NAV3: variants seen among roughly 807,000 people sequenced by gnomAD.
The protein encoded by NAV3 is neuron navigator 3.
In NAV3, 87 loss-of-function variants were observed where a neutral mutation model predicts 244.7. The observed-to-expected ratio is 0.36, with a 90% CI of 0.30 to 0.42. The LOEUF is 0.42. Ranked by LOEUF, NAV3 falls within the 20% of genes least tolerant of loss-of-function variation. NAV3 has a pLI of 1.00. For synonymous variants in NAV3, 1,126 were observed against 1,042.2 expected (o/e 1.08, Z -1.55); for missense variants, 2,663 against 2,893.3 (o/e 0.92, Z 1.83).
rs553728116 is a variant in NAV3, at chr12:77,996,853, A to C, written c.741-1484A>C. On this transcript the variant is annotated intron_variant, in intron 6 of 39. Coordinates refer to ENST00000397909, the MANE Select transcript of NAV3 (RefSeq NM_001024383.2). ...ATTCTTGTTTTCCTTTCAAATAAAA[A>C]ATTTCAGAGTAGTACACAGTGACAT... is the stretch of plus-strand genomic sequence containing the variant. Among the ~76,000 whole-genome samples, 5 of 152,340 alleles carry C rather than the reference A, an allele frequency of 3.3e-5. No individual in the cohort carries two copies. In the South Asian group the frequency reaches 1.0e-3, roughly 32 times the overall value.
chr12:77,863,821 T>G (rs1448188162), intron 1 of NAV3, among the ~76,000 whole-genome samples: 1 of 151,912 alleles, frequency 6.6e-6, no homozygotes. Context: ...AATCTAGAGT[T>G]AAGACAAAAA....
intron 3 of NAV3, among the ~76,000 whole-genome samples, chr12:77,954,823 G>C (rs1891216056): frequency 6.6e-6 from 1 of 152,132 alleles, no homozygotes; most frequent in African/African-American, 2.4e-5. Flanking sequence ...TTTCAGATAT[G>C]AGTAAAAATT....
chr12:78,017,959 G>A (rs1876511511), intron 8 of NAV3, among the ~76,000 whole-genome samples: 1 of 152,120 alleles, frequency 6.6e-6, no homozygotes, highest in East Asian at 1.9e-4. Flanking sequence ...TAGAGAAACG[G>A]ATGGCTTGTA....
At chr12:77,797,591 C>T (rs1349126351) in intron 2 of NAV3, among the ~76,000 whole-genome samples, 1 of 147,720 alleles carries the variant, frequency 6.8e-6, no homozygotes, top group African/African-American at 2.5e-5. Context: ...GCCTGTAATC[C>T]CAGCACTTTG....
chr12:78,165,409 A>G (rs1957739032), intron 23 of NAV3, among the ~76,000 whole-genome samples: 1 of 151,560 alleles, frequency 6.6e-6, no homozygotes, highest in African/African-American at 2.4e-5. Context: ...GATGGCATAT[A>G]CATTTTTCAG....
rs116967958 is a variant in NAV3 at position 77,837,423 on chromosome 12, A to G, written c.243+5719A>G. Among the ~76,000 whole-genome samples the G allele has an allele frequency of 9.3e-4, 142 of 152,150 alleles. 1 individual carries two copies. In the East Asian group the frequency reaches 0.024, roughly 26 times the overall value. ...TTGCAGACAGGTCTAATATTAACCA[A>G]TGGTTAGAGAATGGCTGTATGTCAG... On this transcript the variant is annotated intron_variant, in intron 1 of 39. Transcript: ENST00000397909.
intron 2 of NAV3, among the ~76,000 whole-genome samples, chr12:77,709,673 T>C (rs1165818369): frequency 6.6e-6 from 1 of 152,158 alleles, no homozygotes; most frequent in Non-Finnish European, 1.5e-5. Flanking sequence ...ATTGAGAAAT[T>C]ACATAACATG....
At chr12:77,959,467 T>C (rs950839441) in intron 3 of NAV3, among the ~76,000 whole-genome samples, 1 of 152,142 alleles carries the variant, frequency 6.6e-6, no homozygotes, top group Non-Finnish European at 1.5e-5. Context: ...CCTCCATTAA[T>C]ATTAAAAACT....
chr12:77,650,578 T>C (rs1206798819), intron 2 of NAV3, among the ~76,000 whole-genome samples: 1 of 152,202 alleles, frequency 6.6e-6, no homozygotes, highest in Non-Finnish European at 1.5e-5. Flanking sequence ...ATATTTTACA[T>C]GTATTATGAA....
At chr12:77,946,543 G>C (rs1488794455) in intron 3 of NAV3, among the ~76,000 whole-genome samples, 1 of 152,086 alleles carries the variant, frequency 6.6e-6, no homozygotes, top group Non-Finnish European at 1.5e-5. Context: ...GTTTGTTGGA[G>C]CTTAGTCAAC....
rs1284951261 is a variant in NAV3, at chr12:78,073,038, A to C, written c.2636+13923A>C. Among the ~76,000 whole-genome samples, 6 of 138,902 alleles carry C rather than the reference A, an allele frequency of 4.3e-5. No individual in the cohort carries two copies. The Admixed American group carries it at 4.4e-4, about 10-fold the overall frequency. 91.1% of individuals were successfully genotyped at this position (138,902 alleles called of 152,430 possible). On this transcript the variant is annotated intron_variant, in intron 12 of 39. Coordinates refer to ENST00000397909, the MANE Select transcript of NAV3 (RefSeq NM_001024383.2). ...ATTAGGTATTGATGGGACGTATTTCAAAATAATAAGAGCTATCTATGACAA... is the reference window on the plus strand; with the variant it reads ...ATTAGGTATTGATGGGACGTATTTCCAAATAATAAGAGCTATCTATGACAA...
chr12:77,772,466 A>T (rs1472865381), intron 2 of NAV3, among the ~76,000 whole-genome samples: 1 of 152,192 alleles, frequency 6.6e-6, no homozygotes. Context: ...AGGATAAAAA[A>T]TTCATGCTCA....
chr12:77,644,254 C>G (rs186715968), intron 2 of NAV3, among the ~76,000 whole-genome samples: 1 of 151,842 alleles, frequency 6.6e-6, no homozygotes, highest in Non-Finnish European at 1.5e-5. Context: ...AAGAGGTTCC[C>G]GAGATGTTAG....
In NAV3 at chr12:78,025,976, G is replaced by A. The variant is rs115857037; in HGVS notation, c.2023+4114G>A. 5.5e-3 allele frequency among the ~76,000 whole-genome samples: 837 copies of A among 152,176 alleles called. 6 individuals are homozygous for A. Among genetic ancestry groups the A allele is most frequent in the African/African-American group, 0.018 (744 of 41,516 alleles). ...AATCACCCAGATAATCCTTTATAGCGTCACAAATGGACTAAGATACTTGAT... is the reference window on the plus strand; with the variant it reads ...AATCACCCAGATAATCCTTTATAGCATCACAAATGGACTAAGATACTTGAT... On this transcript the variant is annotated intron_variant, in intron 9 of 39. Coordinates refer to ENST00000397909, the MANE Select transcript of NAV3 (RefSeq NM_001024383.2).
intron 1 of NAV3, among the ~76,000 whole-genome samples, chr12:77,878,747 T>C (rs1023324631): frequency 9.2e-5 from 14 of 152,038 alleles, no homozygotes; most frequent in African/African-American, 3.4e-4. Flanking sequence ...CAGGTGAGCT[T>C]AGACATGTTG....
Position 78,007,642 on chromosome 12 carries a change from CCT to C in NAV3, c.1907+203_1907+204del, listed in dbSNP as rs1398390984. 2.0e-5 allele frequency among the ~76,000 whole-genome samples: 3 copies of C among 152,204 alleles called. No homozygotes were observed. The East Asian group carries it at 5.8e-4, about 29-fold the overall frequency. ...CTTCCAGTAGGATCTAGTTTTATTC[CCT>C]CTCTCATTCCCTGTCAGCAATTGAG... is the stretch of plus-strand genomic sequence containing the variant. On this transcript the variant is annotated intron_variant, in intron 8 of 39. Transcript: ENST00000397909.
At chr12:77,975,503 A>G (rs1049899896) in intron 5 of NAV3, among the ~76,000 whole-genome samples, 2 of 152,246 alleles carry the variant, frequency 1.3e-5, no homozygotes, top group Non-Finnish European at 2.9e-5. Flanking sequence ...TTGCTAATTT[A>G]AATTTAATGA....
At chr12:77,796,899 A>C (rs961080749) in intron 2 of NAV3, among the ~76,000 whole-genome samples, 21 of 152,130 alleles carry the variant, frequency 1.4e-4, no homozygotes, top group African/African-American at 4.1e-4. Flanking sequence ...CAGTGTAAAA[A>C]TGACTTTTAC....
At chr12:78,054,676 G>C (rs1343161099) in intron 11 of NAV3, among the ~76,000 whole-genome samples, 1 of 152,124 alleles carries the variant, frequency 6.6e-6, no homozygotes, top group Non-Finnish European at 1.5e-5. Context: ...CACTGCAAAG[G>C]AAAAGTTTAT....
Sources: gnomAD v4.1 joint callset for allele counts (sites outside exome capture counted in the v4.1 genomes callset) on GRCh38, gnomAD v4.1.1 for gene constraint, MANE v1.5 for transcripts, NCBI Gene and HGNC (gene_info 2026-07-23, HGNC 2026-07-21) for gene names.